Variants in TET1 observed in about 807,000 individuals in gnomAD.
The protein encoded by TET1 is tet methylcytosine dioxygenase 1, also known as methylcytosine dioxygenase TET1.
Under a neutral mutation model 148.7 loss-of-function variants are expected in TET1, and 13 were observed. That is an observed-to-expected ratio of 0.09 (90% CI 0.06 to 0.14). The LOEUF is 0.14. Among genes scored for constraint, TET1 ranks in the 10% least tolerant of loss-of-function variants. The pLI is 1.00. For missense variants in TET1, 2,182 were observed against 2,553.8 expected (o/e 0.85, Z 3.14); for synonymous variants, 907 against 937.2 (o/e 0.97, Z 0.59).
intron 8 of TET1, chr10:68,674,733 T>C (rs957156497): frequency 4.1e-6 from 2 of 491,120 alleles, no homozygotes; most frequent in Non-Finnish European, 4.0e-6. Context: ...GTGTTCTGTG[T>C]TGGTTTTACT....
At chr10:68,577,344 G>C (rs537947444) in intron 2 of TET1, among the ~76,000 whole-genome samples, 15 of 152,254 alleles carry the variant, frequency 9.9e-5, no homozygotes, top group African/African-American at 3.6e-4. Flanking sequence ...ACCGTGCCTG[G>C]CCTTCTATTT....
intron 6 of TET1, among the ~76,000 whole-genome samples, chr10:68,665,694 C>T (rs917591884): frequency 1.3e-5 from 2 of 150,612 alleles, no homozygotes; most frequent in African/African-American, 2.4e-5. Context: ...AATTTTGGTA[C>T]TATATATATA....
At chr10:68,681,018 C>T (rs2055428780) in intron 8 of TET1, among the ~76,000 whole-genome samples, 1 of 152,194 alleles carries the variant, frequency 6.6e-6, no homozygotes, top group African/African-American at 2.4e-5. Context: ...GAACCTGTTA[C>T]ATTGTAACCA....
At chr10:68,586,540 G>C (rs1371011671) in intron 2 of TET1, among the ~76,000 whole-genome samples, 1 of 134,508 alleles carries the variant, frequency 7.4e-6, no homozygotes, top group Non-Finnish European at 1.6e-5. Flanking sequence ...TCACTATGTT[G>C]CCCAGGCTGG....
In TET1 at chr10:68,659,603, G is replaced by A. The variant is rs1024998834; in HGVS notation, c.4461+7009G>A. ...CAAAGTGCTGTGATTACAGGCATGA[G>A]CCACCGCGCCCGGCCAATATTAAAC... On this transcript the variant is annotated intron_variant, in intron 6 of 11. Transcript: ENST00000373644. Among the ~76,000 whole-genome samples the A allele has an allele frequency of 5.3e-5, 8 of 152,156 alleles. 1 individual carries two copies. Among genetic ancestry groups the A allele is most frequent in the Admixed American group, 5.2e-4 (8 of 15,276 alleles).
chr10:68,566,328 T>C (rs374089927), intron 1 of TET1, among the ~76,000 whole-genome samples: 24 of 152,340 alleles, frequency 1.6e-4, no homozygotes, highest in African/African-American at 5.3e-4. Flanking sequence ...AATTGCTTTT[T>C]GTAATGAAAA....
In TET1 at chr10:68,573,839, A is replaced by C; in HGVS notation, c.1501A>C (p.Lys501Gln). The change falls in exon 2 of 12, where the codon AAG becomes CAG. Residue 501 changes from lysine (K) to glutamine (Q), a missense_variant. By Grantham distance (53) the Lys-to-Gln change is moderately conservative. Coordinates refer to ENST00000373644, the MANE Select transcript of TET1 (RefSeq NM_030625.3). ...VMAISNVENE[K>Q]QVHISFLPAN... is the part of the protein sequence containing the mutation. ...GGCTATAAGCAATGTAGAAAATGAGAAGCAGGTTCATATAAGCTTCCTGCC... is the reference window on the plus strand; with the variant it reads ...GGCTATAAGCAATGTAGAAAATGAGCAGCAGGTTCATATAAGCTTCCTGCC... The C allele has an allele frequency of 6.2e-7, 1 of 1,614,146 alleles. No individual in the cohort carries two copies.
At chr10:68,682,760 A>G (rs953277909) in intron 9 of TET1, 76 bp from the exon 10 acceptor site, 19 of 1,481,966 alleles carry the variant, frequency 1.3e-5, no homozygotes, top group Middle Eastern at 4.3e-4. Context: ...TCATGAGGAA[A>G]TTATTTTTAC....
intron 10 of TET1, among the ~76,000 whole-genome samples, chr10:68,684,144 C>T (rs759885185): frequency 7.9e-5 from 12 of 152,156 alleles, no homozygotes; most frequent in African/African-American, 2.7e-4. Flanking sequence ...ATCCCACCTA[C>T]TTCGGAGGCC....
rs189138926 is a variant in TET1 at position 68,690,899 on chromosome 10, G to A, written c.5496G>A (p.Ser1832=). 477 of 1,614,124 alleles carry A rather than the reference G, an allele frequency of 3.0e-4. 1 individual carries two copies. Among genetic ancestry groups the A allele is most frequent in the Non-Finnish European group, 3.9e-4 (463 of 1,180,036 alleles). ...LKSSDNTKTY[S]LMPSAPHPVK... ...GTTCAGACAACACTAAAACTTATTC[G>A]CTGATGCCATCCGCTCCTCACCCAG... The change falls in exon 12 of 12, where the codon TCG becomes TCA. Residue 1832 remains serine (S), a synonymous_variant. Coordinates refer to ENST00000373644, the MANE Select transcript of TET1 (RefSeq NM_030625.3).
At chr10:68,569,084 G>T (rs2053637379) in intron 1 of TET1, among the ~76,000 whole-genome samples, 1 of 151,464 alleles carries the variant, frequency 6.6e-6, no homozygotes, top group Admixed American at 6.6e-5. Flanking sequence ...CTGTTTTGGT[G>T]TGCATGTGAA....
At chr10:68,647,468 G>A (rs1025155452) in intron 4 of TET1, among the ~76,000 whole-genome samples, 11 of 152,042 alleles carry the variant, frequency 7.2e-5, no homozygotes, top group Non-Finnish European at 1.3e-4. Context: ...GTTGAGCATG[G>A]TGGTGCACGC....
At chr10:68,568,471 C>T (rs1158118164) in intron 1 of TET1, among the ~76,000 whole-genome samples, 1 of 152,018 alleles carries the variant, frequency 6.6e-6, no homozygotes, top group African/African-American at 2.4e-5. Flanking sequence ...GATCTGTCCA[C>T]CTCAGGTGAT....
intron 7 of TET1, among the ~76,000 whole-genome samples, chr10:68,670,169 G>T (rs2055253922): frequency 6.6e-6 from 1 of 152,044 alleles, no homozygotes; most frequent in Non-Finnish European, 1.5e-5. Flanking sequence ...TCAAATTCAG[G>T]AAATTTAAAT....
intron 3 of TET1, among the ~76,000 whole-genome samples, chr10:68,635,898 G>A (rs950172112): frequency 6.6e-6 from 1 of 151,952 alleles, no homozygotes; most frequent in South Asian, 2.1e-4. Flanking sequence ...GGGCCAAGAG[G>A]TGTGAGAGTG....
Position 68,602,570 on chromosome 10 carries a change from A to G in TET1, c.1968+1536A>G, listed in dbSNP as rs1043776442. On this transcript the variant is annotated intron_variant, in intron 3 of 11. Coordinates refer to ENST00000373644, the MANE Select transcript of TET1 (RefSeq NM_030625.3). ...AGTAGAATTGGACTTTGGGAATGCA[A>G]TTTAATTCTATGTTTATTTTGTTAG... Among the ~76,000 whole-genome samples, 11 of 152,348 alleles carry G rather than the reference A, an allele frequency of 7.2e-5. No individual in the cohort carries two copies. In the East Asian group the frequency reaches 1.5e-3, roughly 21 times the overall value.
At chr10:68,580,806 AT>A (rs1389629503) in intron 2 of TET1, among the ~76,000 whole-genome samples, 40 of 117,326 alleles carry the variant, frequency 3.4e-4, no homozygotes, top group African/African-American at 5.2e-4. Context: ...AAAAAAAAAA[AT>A]ATATATATAT....
intron 7 of TET1, among the ~76,000 whole-genome samples, chr10:68,670,860 T>C (rs929343428): frequency 2.0e-5 from 3 of 152,120 alleles, no homozygotes; most frequent in African/African-American, 7.2e-5. Context: ...ATAGTTTTTT[T>C]CTAAATTTTT....
rs1199571965 is a variant in TET1, at chr10:68,691,337, C to T, written c.5934C>T (p.Asp1978=). Residue 1978 remains aspartate (D), a synonymous_variant, in exon 12 of 12, where the codon GAC becomes GAT. Transcript: ENST00000373644. This position sits in a 1 kb window ranked among gnomAD's most constrained non-coding sequence, Gnocchi z 4.4. ...CATCAGACGAACCCCTATCTGATGA[C>T]CCCCTGTCACCTGCTGAGGAGAAAT... The part of the protein sequence containing the change: ...EPPSDEPLSD[D]PLSPAEEKLP... The T allele has an allele frequency of 6.2e-7, 1 of 1,614,168 alleles. No homozygotes were observed. The highest frequency in any genetic ancestry group is 8.5e-7 in the Non-Finnish European group (1 of 1,180,032).
Sources: gnomAD v4.1 joint callset for allele counts (sites outside exome capture counted in the v4.1 genomes callset) on GRCh38, gnomAD v4.1.1 for gene constraint, Gnocchi (gnomAD v3.1) non-coding constraint, MANE v1.5 for transcripts, NCBI Gene and HGNC (gene_info 2026-07-23, HGNC 2026-07-21) for gene names.